The following TTC28 variants were observed in gnomAD, a reference collection of about 807,000 sequenced individuals.
TTC28 encodes tetratricopeptide repeat protein 28.
Under a neutral mutation model 198.0 loss-of-function variants are expected in TTC28, and 61 were observed. That is an observed-to-expected ratio of 0.31 (90% CI 0.25 to 0.38). TTC28 has a LOEUF of 0.38. Among genes scored for constraint, TTC28 ranks in the 10% least tolerant of loss-of-function variants. The pLI, the probability that TTC28 is intolerant of heterozygous loss-of-function variation, is 1.00. For synonymous variants in TTC28, 1,171 were observed against 1,297.8 expected (o/e 0.90, Z 2.10); for missense variants, 2,678 against 3,164.0 (o/e 0.85, Z 3.69).
intron 1 of TTC28, among the ~76,000 whole-genome samples, chr22:28,635,635 T>C (rs2051257266): frequency 6.6e-6 from 1 of 152,156 alleles, no homozygotes; most frequent in African/African-American, 2.4e-5. Flanking sequence ...CATAGTAAAA[T>C]TCCAGTCCTG....
At chr22:28,254,260 G>A (rs1257876895) in intron 5 of TTC28, among the ~76,000 whole-genome samples, 1 of 151,948 alleles carries the variant, frequency 6.6e-6, no homozygotes, top group African/African-American at 2.4e-5. Flanking sequence ...ACATACTTTT[G>A]GTAATAATTA....
chr22:28,111,346 A>C (rs1008949254), intron 6 of TTC28, among the ~76,000 whole-genome samples: 1 of 152,154 alleles, frequency 6.6e-6, no homozygotes, highest in Non-Finnish European at 1.5e-5. Context: ...AAGGTGAGAA[A>C]ATCTAAGCTT....
At chr22:28,632,955 T>C (rs2095845057) in intron 1 of TTC28, among the ~76,000 whole-genome samples, 1 of 149,928 alleles carries the variant, frequency 6.7e-6, no homozygotes, top group African/African-American at 2.5e-5. Context: ...CAAGACCCTG[T>C]CTCTATTTTA....
At chr22:28,543,212 C>G (rs1304185919) in intron 2 of TTC28, among the ~76,000 whole-genome samples, 2 of 151,956 alleles carry the variant, frequency 1.3e-5, no homozygotes, top group South Asian at 4.2e-4. Context: ...TGGTGGTGTT[C>G]ACCTTATAGT....
rs1323447783 is a variant in TTC28 at position 28,223,052 on chromosome 22, A to G, written c.934-59453T>C. On this transcript the variant is annotated intron_variant, in intron 5 of 22. Coordinates refer to ENST00000397906, the MANE Select transcript of TTC28 (RefSeq NM_001145418.2). ...TATGTCCTTAGAGTCAGACTTTTGGAGAGAAAATATCCAGGAACTGAAAGG... is the reference window on the plus strand; with the variant it reads ...TATGTCCTTAGAGTCAGACTTTTGGGGAGAAAATATCCAGGAACTGAAAGG... Among the ~76,000 whole-genome samples the G allele has an allele frequency of 5.3e-5, 8 of 152,168 alleles. No individual in the cohort carries two copies. The East Asian group carries it at 1.3e-3, about 26-fold the overall frequency.
intron 2 of TTC28, among the ~76,000 whole-genome samples, chr22:28,461,663 A>G (rs1174925667): frequency 1.3e-5 from 2 of 152,106 alleles, no homozygotes. Context: ...TCCTGACCTC[A>G]AGTAATCTGC....
chr22:28,644,596 G>A (rs902651556), intron 1 of TTC28, among the ~76,000 whole-genome samples: 3 of 151,902 alleles, frequency 2.0e-5, no homozygotes, highest in African/African-American at 7.3e-5. Context: ...AGGCCAAGAC[G>A]GGCAAATCAC....
intron 2 of TTC28, among the ~76,000 whole-genome samples, chr22:28,427,757 T>C (rs2047371441): frequency 6.6e-6 from 1 of 151,870 alleles, no homozygotes; most frequent in South Asian, 2.1e-4. Context: ...CAAATACAAA[T>C]GTTTATGTTA....
intron 2 of TTC28, among the ~76,000 whole-genome samples, chr22:28,556,760 A>G (rs1191696000): frequency 6.6e-6 from 1 of 152,190 alleles, no homozygotes; most frequent in Admixed American, 6.5e-5. Flanking sequence ...CTAGAGCTAT[A>G]ATCATCTGAA....
intron 2 of TTC28, among the ~76,000 whole-genome samples, chr22:28,594,248 A>T (rs2050495292): frequency 1.3e-5 from 2 of 149,102 alleles, no homozygotes; most frequent in South Asian, 4.2e-4. Context: ...ATCGTTTATT[A>T]ATATAATTAT....
intron 2 of TTC28, among the ~76,000 whole-genome samples, chr22:28,465,075 T>C (rs1244698932): frequency 6.6e-6 from 1 of 152,216 alleles, no homozygotes; most frequent in Non-Finnish European, 1.5e-5. Flanking sequence ...AGCAGAACTA[T>C]AAAACATCAT....
Position 28,105,466 on chromosome 22 carries a change from A to G in TTC28, c.3120T>C (p.Tyr1040=). 6.4e-7 allele frequency: 1 copy of G among 1,551,660 alleles called. No homozygotes were observed. The highest frequency in any genetic ancestry group is 8.7e-7 in the Non-Finnish European group (1 of 1,146,984). The stretch of plus-strand genomic sequence containing the variant: ...ATTCATAAGTCAGGCCCAGGTTCCC[A>G]TAGGCTCGGCCCTGGCACGTGGGGT... ...TNNPTCQGRA[Y]GNLGLTYESL... is the part of the protein sequence containing the mutation. Residue 1040 remains tyrosine, a synonymous_variant, in exon 8 of 23, where the codon TAT becomes TAC. Transcript: ENST00000397906.
Position 28,163,491 on chromosome 22 carries a change from T to C in TTC28, c.1042A>G (p.Lys348Glu). The change falls in exon 6 of 23, where the codon AAA becomes GAA. Residue 348 changes from lysine to glutamate, a missense_variant. Coordinates refer to ENST00000397906, the MANE Select transcript of TTC28 (RefSeq NM_001145418.2). ...TCTCGGGCTTCAGAAAGTTCATCTT[T>C]GGATTGCTTGGCAAGAAGAACACAC... ...KQCVLLAKQS[K>E]DELSEARELG... 6.4e-7 allele frequency: 1 copy of C among 1,551,750 alleles called. No individual in the cohort carries two copies. The highest frequency in any genetic ancestry group is 8.7e-7 in the Non-Finnish European group (1 of 1,146,990).
At chr22:28,289,089 G>A (rs2044739997) in intron 5 of TTC28, among the ~76,000 whole-genome samples, 1 of 152,158 alleles carries the variant, frequency 6.6e-6, no homozygotes, top group African/African-American at 2.4e-5. Context: ...AGAGATGGGA[G>A]GAGGCAGGAA....
At chr22:28,273,246 G>A (rs1932206204) in intron 5 of TTC28, among the ~76,000 whole-genome samples, 1 of 151,924 alleles carries the variant, frequency 6.6e-6, no homozygotes, top group Non-Finnish European at 1.5e-5. Flanking sequence ...ATATACAATG[G>A]TCAACATTCA....
chr22:28,564,824 A>G (rs1421625875), intron 2 of TTC28, among the ~76,000 whole-genome samples: 1 of 147,996 alleles, frequency 6.8e-6, no homozygotes, highest in Non-Finnish European at 1.5e-5. Flanking sequence ...CTCAATTTAT[A>G]TATAATTTAT....
At chr22:28,133,662 G>T (rs555011283) in intron 6 of TTC28, among the ~76,000 whole-genome samples, 1 of 152,324 alleles carries the variant, frequency 6.6e-6, no homozygotes, top group African/African-American at 2.4e-5. Flanking sequence ...ATGGCTAGGG[G>T]AGGGGCGCCC....
chr22:28,535,765 C>T (rs1297653595), intron 2 of TTC28, among the ~76,000 whole-genome samples: 1 of 152,058 alleles, frequency 6.6e-6, no homozygotes, highest in East Asian at 1.9e-4. Flanking sequence ...CCACTTCACT[C>T]CCTCTCTCTC....
intron 2 of TTC28, among the ~76,000 whole-genome samples, chr22:28,516,443 A>G (rs2146410756): frequency 6.6e-6 from 1 of 152,308 alleles, no homozygotes; most frequent in South Asian, 2.1e-4. Flanking sequence ...CTCATCATTG[A>G]GTTCATGTCC....
Sources: gnomAD v4.1 joint callset for allele counts (sites outside exome capture counted in the v4.1 genomes callset) on GRCh38, gnomAD v4.1.1 for gene constraint, MANE v1.5 for transcripts, NCBI Gene and HGNC (gene_info 2026-07-23, HGNC 2026-07-21) for gene names.